MECOM: variants seen among roughly 807,000 people sequenced by gnomAD.
MECOM encodes MDS1 and EVI1 complex locus.
MECOM carries 13 observed loss-of-function variants against 116.3 expected under a neutral mutation model. The ratio of observed to expected loss-of-function variants is 0.11; its 90% CI spans 0.07 to 0.18. The LOEUF (loss-of-function observed/expected upper bound fraction) is 0.18. MECOM is among the 10% of genes least tolerant of loss of function. The pLI is 1.00. For synonymous variants in MECOM, 528 were observed against 535.2 expected, an observed-to-expected ratio of 0.99 and a Z score of 0.19; for missense variants, 1,299 against 1,509.0, an observed-to-expected ratio of 0.86 and a Z score of 2.31.
At chr3:169,539,294 T>C (rs1295942372) in intron 1 of MECOM, among the ~76,000 whole-genome samples, 7 of 152,168 alleles carry the variant, frequency 4.6e-5, no homozygotes. Context: ...CCTCAAAAGA[T>C]TTTATTAATA....
At chr3:169,133,920 T>C (rs1262490799) in intron 3 of MECOM, 1 of 1,289,512 alleles carries the variant, frequency 7.8e-7, no homozygotes, top group Admixed American at 2.3e-5. Context: ...ACCTCTTTTT[T>C]TGGCATCTCT....
chr3:169,154,644 G>A (rs1036944462), intron 2 of MECOM, among the ~76,000 whole-genome samples: 15 of 152,030 alleles, frequency 9.9e-5, no homozygotes, highest in Non-Finnish European at 1.5e-4. Context: ...AGTTCCGATT[G>A]CCTAACAATT....
At chr3:169,380,581 C>T (rs1732230782) in intron 2 of MECOM, among the ~76,000 whole-genome samples, 2 of 152,054 alleles carry the variant, frequency 1.3e-5, no homozygotes, top group South Asian at 2.1e-4. Flanking sequence ...CCATTTTGTG[C>T]GTCTGTTTTG....
At chr3:169,631,276 C>T (rs1365985110) in intron 1 of MECOM, among the ~76,000 whole-genome samples, 1 of 152,216 alleles carries the variant, frequency 6.6e-6, no homozygotes, top group Non-Finnish European at 1.5e-5. Flanking sequence ...CAAGCACTCA[C>T]TTTTGTCCCC....
chr3:169,365,249 A>T (rs1297671587), intron 2 of MECOM, among the ~76,000 whole-genome samples: 24 of 152,080 alleles, frequency 1.6e-4, no homozygotes, highest in Admixed American at 1.6e-3. Context: ...AGCAATAGCT[A>T]AAGACGGATA....
chr3:169,564,227 C>G (rs1391425933), intron 1 of MECOM, among the ~76,000 whole-genome samples: 1 of 152,100 alleles, frequency 6.6e-6, no homozygotes, highest in African/African-American at 2.4e-5. Flanking sequence ...TACAAGACAT[C>G]TACTTGTATT....
rs948159078 is a variant in MECOM at position 169,382,415 on chromosome 3, T to C, written c.38-891A>G. ...GTTACGACACTGAGCACGGAGGACC[T>C]GAGGACCCCCAAGGCAGCACGGCGC... On this transcript the variant is annotated intron_variant, in intron 1 of 16. Transcript: ENST00000651503. Among the ~76,000 whole-genome samples, 4 of 152,162 alleles carry C rather than the reference T, an allele frequency of 2.6e-5. No individual in the cohort carries two copies. The East Asian group carries it at 7.7e-4, about 29-fold the overall frequency.
intron 1 of MECOM, among the ~76,000 whole-genome samples, chr3:169,464,410 A>G (rs1747946678): frequency 6.6e-6 from 1 of 152,092 alleles, no homozygotes; most frequent in Admixed American, 6.6e-5. Context: ...ATCTCAAAAC[A>G]CTATCCAAAA....
intron 3 of MECOM, among the ~76,000 whole-genome samples, chr3:169,137,524 T>C (rs1736729314): frequency 6.6e-6 from 1 of 152,152 alleles, no homozygotes; most frequent in African/African-American, 2.4e-5. Flanking sequence ...TGGCTAAGCA[T>C]TGCCAAAGCA....
intron 3 of MECOM, chr3:169,132,033 A>T (rs1734887319): frequency 1.1e-6 from 1 of 926,968 alleles, no homozygotes; most frequent in Non-Finnish European, 1.3e-6. Context: ...ATAAAGGATC[A>T]TGACAACAAA....
At chr3:169,381,915 T>C (rs1560203732) in intron 1 of MECOM, among the ~76,000 whole-genome samples, 1 of 152,150 alleles carries the variant, frequency 6.6e-6, no homozygotes, top group Non-Finnish European at 1.5e-5. Context: ...CTAAAATATA[T>C]TAGAAAGTTT....
Position 169,663,672 on chromosome 3 carries a change from C to G in MECOM, c.-300G>C, listed in dbSNP as rs1402154594. 7.5e-6 allele frequency: 3 copies of G among 399,710 alleles called. No homozygotes were observed. The highest frequency in any genetic ancestry group is 6.2e-5 in the African/African-American group (3 of 48,756). The allele number at this position is 399,710 out of a possible 1,614,324, so 24.8% of individuals were successfully genotyped here. ...CTCTCCAGCATTGTCAGTTTGGACACCTTCGCACATGCGCGCTAGACGCCC... is the reference window on the plus strand; with the variant it reads ...CTCTCCAGCATTGTCAGTTTGGACAGCTTCGCACATGCGCGCTAGACGCCC... On this transcript the variant is annotated 5_prime_UTR_variant, in exon 1 of 17. Coordinates refer to ENST00000651503, the MANE Select transcript of MECOM (RefSeq NM_004991.4).
chr3:169,644,500 AC>A (rs1195944069), intron 1 of MECOM, among the ~76,000 whole-genome samples: 1 of 151,708 alleles, frequency 6.6e-6, no homozygotes, highest in Non-Finnish European at 1.5e-5. Flanking sequence ...CAGGTGATCC[AC>A]CTGCCTCTCC....
At chr3:169,553,183 CAAAT>C (rs1335713234) in intron 1 of MECOM, among the ~76,000 whole-genome samples, 1 of 151,786 alleles carries the variant, frequency 6.6e-6, no homozygotes. Flanking sequence ...CAATCCTCAA[CAAAT>C]AAATATCAAA....
intron 2 of MECOM, chr3:169,145,209 C>A (rs1459603049): frequency 9.0e-6 from 5 of 555,474 alleles, no homozygotes; most frequent in African/African-American, 7.6e-5. Flanking sequence ...TCAAACTCTT[C>A]TTTTTCAAGG....
intron 2 of MECOM, among the ~76,000 whole-genome samples, chr3:169,213,169 G>A (rs995890181): frequency 6.6e-6 from 1 of 151,684 alleles, no homozygotes; most frequent in African/African-American, 2.4e-5. Context: ...GCTCCATGAG[G>A]GCAAAAATAG....
chr3:169,378,475 A>AAGCGAG (rs1731633422), intron 2 of MECOM, among the ~76,000 whole-genome samples: 2 of 43,776 alleles, frequency 4.6e-5, no homozygotes, highest in East Asian at 5.6e-4. Flanking sequence ...GCAAGCAAGC[A>AAGCGAG]AGAAAGAGAG....
At position 169,106,470 on chromosome 3, in the gene MECOM, G is replaced by A. The variant is rs1268918789; in HGVS notation, c.2604+1456C>T. On this transcript the variant is annotated intron_variant, in intron 10 of 16. Transcript: ENST00000651503. The stretch of plus-strand genomic sequence containing the variant: ...ATCCACATAGAGGTTTTTTTACCAC[G>A]AAAAATTATAAACATATATCTTTAA... Among the ~76,000 whole-genome samples, 4 of 151,876 alleles carry A rather than the reference G, an allele frequency of 2.6e-5. No individual in the cohort carries two copies. In the East Asian group the frequency reaches 5.8e-4, roughly 22 times the overall value.
At chr3:169,427,251 T>A (rs142876539) in intron 1 of MECOM, among the ~76,000 whole-genome samples, 2 of 152,226 alleles carry the variant, frequency 1.3e-5, no homozygotes, top group African/African-American at 2.4e-5. Flanking sequence ...AGAGCTATGC[T>A]AGTCTCTGTA....
Sources: allele counts gnomAD v4.1 joint callset (sites outside exome capture counted in the v4.1 genomes callset), GRCh38; gene constraint gnomAD v4.1.1; transcripts MANE v1.5; gene names NCBI Gene and HGNC (gene_info 2026-07-23, HGNC 2026-07-21).